THSD4: variants seen among roughly 807,000 people sequenced by gnomAD.
The protein encoded by THSD4 is thrombospondin type 1 domain containing 4.
Under a neutral mutation model 119.0 loss-of-function variants are expected in THSD4, and 69 were observed. The ratio of observed to expected loss-of-function variants is 0.58; its 90% CI spans 0.48 to 0.71. The LOEUF is 0.71. Ranked by LOEUF, THSD4 falls within the 30% of genes least tolerant of loss-of-function variation. THSD4 has a pLI of 0.00. For synonymous variants in THSD4, 524 were observed against 540.4 expected, an observed-to-expected ratio of 0.97 and a Z score of 0.42; for missense variants, 1,393 against 1,391.1, an observed-to-expected ratio of 1.00 and a Z score of -0.02.
At chr15:71,574,895 TC>T (rs1448277527) in intron 7 of THSD4, among the ~76,000 whole-genome samples, 1 of 152,188 alleles carries the variant, frequency 6.6e-6, no homozygotes, top group Non-Finnish European at 1.5e-5. Flanking sequence ...TCTCTAGATA[TC>T]CTGGAATATG....
intron 7 of THSD4, among the ~76,000 whole-genome samples, chr15:71,480,858 TCAACTCTA>T (rs1451998620): frequency 2.0e-5 from 3 of 152,174 alleles, no homozygotes; most frequent in Non-Finnish European, 4.4e-5. Context: ...CAAACACTCA[TCAACTCTA>T]CCATAGTCTA....
At chr15:71,286,476 A>G (rs1056755743) in intron 6 of THSD4, among the ~76,000 whole-genome samples, 1 of 152,218 alleles carries the variant, frequency 6.6e-6, no homozygotes, top group Non-Finnish European at 1.5e-5. Flanking sequence ...TGTCCCTGCA[A>G]AGCACATGAT....
At chr15:71,332,609 C>T (rs1052583161) in intron 6 of THSD4, among the ~76,000 whole-genome samples, 3 of 152,220 alleles carry the variant, frequency 2.0e-5, no homozygotes, top group Admixed American at 6.5e-5. Flanking sequence ...ATTTGAACCC[C>T]GGTTGAAGTC....
intron 1 of THSD4, among the ~76,000 whole-genome samples, chr15:71,135,583 G>A (rs895359342): frequency 1.3e-5 from 2 of 152,092 alleles, no homozygotes; most frequent in Admixed American, 6.6e-5. Flanking sequence ...GCCTTCCTCC[G>A]TTTTTCCCAC....
At chr15:71,250,497 T>G (rs912162193) in intron 5 of THSD4, among the ~76,000 whole-genome samples, 1 of 152,154 alleles carries the variant, frequency 6.6e-6, no homozygotes, top group Non-Finnish European at 1.5e-5. Flanking sequence ...ATTTTTATTT[T>G]TTGTAGAGAT....
At chr15:71,741,074 G>C (rs2053224582) in intron 11 of THSD4, among the ~76,000 whole-genome samples, 1 of 152,142 alleles carries the variant, frequency 6.6e-6, no homozygotes, top group African/African-American at 2.4e-5. Flanking sequence ...GAATATATGA[G>C]CTACTAGAAA....
intron 7 of THSD4, among the ~76,000 whole-genome samples, chr15:71,588,869 G>A (rs1017292331): frequency 6.6e-6 from 1 of 152,190 alleles, no homozygotes; most frequent in African/African-American, 2.4e-5. Context: ...CACAGTTTGA[G>A]CAAAGACAGG....
chr15:71,488,872 C>A (rs1290280808), intron 7 of THSD4, among the ~76,000 whole-genome samples: 2 of 152,142 alleles, frequency 1.3e-5, no homozygotes, highest in South Asian at 4.1e-4. Context: ...CTACTATTAG[C>A]GAGTTATTCC....
chr15:71,560,835 C>T (rs1424865161), intron 7 of THSD4, among the ~76,000 whole-genome samples: 1 of 152,030 alleles, frequency 6.6e-6, no homozygotes, highest in African/African-American at 2.4e-5. Context: ...TATCATAAAC[C>T]CCTTGAATAG....
chr15:71,746,578 A>G (rs1441868721), intron 12 of THSD4, among the ~76,000 whole-genome samples: 4 of 152,000 alleles, frequency 2.6e-5, no homozygotes, highest in Admixed American at 1.3e-4. Flanking sequence ...TATTTTTTGT[A>G]GAGACGGGGT....
intron 7 of THSD4, among the ~76,000 whole-genome samples, chr15:71,548,533 A>G (rs1056523070): frequency 1.3e-5 from 2 of 152,166 alleles, no homozygotes; most frequent in African/African-American, 4.8e-5. Flanking sequence ...GCTCTGTTCA[A>G]AACAGACATG....
At chr15:71,684,278 T>C (rs2141037025) in intron 8 of THSD4, among the ~76,000 whole-genome samples, 1 of 152,280 alleles carries the variant, frequency 6.6e-6, no homozygotes, top group African/African-American at 2.4e-5. Flanking sequence ...TTGAGTTGAT[T>C]CTCATCGTTT....
At chr15:71,718,154 A>G (rs2052645464) in intron 8 of THSD4, among the ~76,000 whole-genome samples, 1 of 152,148 alleles carries the variant, frequency 6.6e-6, no homozygotes, top group East Asian at 1.9e-4. Flanking sequence ...GTCTCAAAAA[A>G]AAAAAAAAAA....
intron 12 of THSD4, among the ~76,000 whole-genome samples, chr15:71,745,575 T>C (rs1285190891): frequency 6.6e-6 from 1 of 152,078 alleles, no homozygotes; most frequent in African/African-American, 2.4e-5. Flanking sequence ...GAGAGGATAA[T>C]GCAAGTCACA....
intron 6 of THSD4, among the ~76,000 whole-genome samples, chr15:71,273,756 C>T (rs1021488535): frequency 3.3e-5 from 5 of 152,092 alleles, no homozygotes; most frequent in Admixed American, 2.0e-4. Flanking sequence ...GGTCAGAATC[C>T]GAGGAAGCAA....
At chr15:71,301,060 C>T (rs1260273666) in intron 6 of THSD4, among the ~76,000 whole-genome samples, 1 of 152,144 alleles carries the variant, frequency 6.6e-6, no homozygotes, top group African/African-American at 2.4e-5. Flanking sequence ...GGAAATTTCT[C>T]TGCCCTAAGA....
chr15:71,490,650 A>G (rs931126698), intron 7 of THSD4, among the ~76,000 whole-genome samples: 5 of 151,498 alleles, frequency 3.3e-5, no homozygotes, highest in Admixed American at 3.3e-4. Flanking sequence ...AATTGCTTGA[A>G]CCCAGGAGGC....
intron 7 of THSD4, among the ~76,000 whole-genome samples, chr15:71,589,030 C>A (rs1185612120): frequency 6.6e-6 from 1 of 152,080 alleles, no homozygotes; most frequent in African/African-American, 2.4e-5. Flanking sequence ...CATTAGGGAC[C>A]TTTTGTGCTT....
intron 7 of THSD4, among the ~76,000 whole-genome samples, chr15:71,428,913 A>C (rs75574973): frequency 0.083 from 12,677 of 152,224 alleles, 562 homozygotes; most frequent in Middle Eastern, 0.13. Context: ...TGTCTTCCTT[A>C]GCATGTGTTA....
Sources: allele counts gnomAD v4.1 joint callset (sites outside exome capture counted in the v4.1 genomes callset), GRCh38; gene constraint gnomAD v4.1.1; transcripts MANE v1.5; gene names NCBI Gene and HGNC (gene_info 2026-07-23, HGNC 2026-07-21).